Variants in HDAC9 observed in about 807,000 individuals in gnomAD.
HDAC9 encodes the protein MEF-2 interacting transcription repressor (MITR) protein.
In HDAC9, 41 loss-of-function variants were observed where a neutral mutation model predicts 139.4. The ratio of observed to expected loss-of-function variants is 0.29; its 90% confidence interval spans 0.23 to 0.38. HDAC9 has a LOEUF of 0.38. HDAC9 is among the 10% of genes least tolerant of loss of function. HDAC9 has a pLI of 1.00. For missense variants in HDAC9, 1,147 were observed against 1,297.0 expected, an observed-to-expected ratio of 0.88 and a Z score of 1.78; for synonymous variants, 517 against 476.2, an observed-to-expected ratio of 1.09 and a Z score of -1.12.
At chr7:18,711,715 G>T (rs1784358162) in intron 12 of HDAC9, among the ~76,000 whole-genome samples, 3 of 152,160 alleles carry the variant, frequency 2.0e-5, no homozygotes, top group African/African-American at 7.2e-5. Flanking sequence ...TGTCACAAAT[G>T]AGAGGAACGC....
chr7:18,103,442 T>C (rs1011747880), intron 1 of HDAC9, among the ~76,000 whole-genome samples: 3 of 152,194 alleles, frequency 2.0e-5, no homozygotes, highest in African/African-American at 7.2e-5. Flanking sequence ...ACTCAAATAG[T>C]GAACATAGTA....
chr7:18,794,543 T>C (rs905649928), intron 17 of HDAC9, among the ~76,000 whole-genome samples: 14 of 152,250 alleles, frequency 9.2e-5, no homozygotes, highest in African/African-American at 3.1e-4. Context: ...TGTGCCTGTA[T>C]ATATTTGACA....
chr7:18,976,068 G>T, intron 25 of HDAC9, 115 bp downstream of exon 25: 1 of 1,061,832 alleles, frequency 9.4e-7, no homozygotes. Context: ...TCCACCACCT[G>T]TCCTCTCCAA....
chr7:18,463,894 T>G (rs1166404406), intron 1 of HDAC9, among the ~76,000 whole-genome samples: 2 of 151,924 alleles, frequency 1.3e-5, no homozygotes, highest in Non-Finnish European at 2.9e-5. Flanking sequence ...AATTTCTGGA[T>G]TAATTCCACT....
At chr7:18,750,251 T>TA (rs996447792) in intron 14 of HDAC9, among the ~76,000 whole-genome samples, 2 of 152,150 alleles carry the variant, frequency 1.3e-5, no homozygotes, top group Admixed American at 1.3e-4. Context: ...TTTCTATGGA[T>TA]AAAAAAATTT....
intron 1 of HDAC9, among the ~76,000 whole-genome samples, chr7:18,137,353 T>C (rs899460383): frequency 1.0e-4 from 15 of 149,614 alleles, no homozygotes; most frequent in African/African-American, 3.5e-4. Context: ...TGAATAGGAG[T>C]GGTGAGAGAG....
intron 24 of HDAC9, among the ~76,000 whole-genome samples, chr7:18,972,369 CTTTTTTTTTTTTTTT>C (rs199909134): frequency 6.3e-5 from 6 of 94,892 alleles, no homozygotes; most frequent in Non-Finnish European, 6.5e-5. Flanking sequence ...ATGAACTTCT[CTTTTTTTTTTTTTTT>C]TTTTTTTTTT....
chr7:18,271,072 C>G (rs996325078), intron 2 of HDAC9, among the ~76,000 whole-genome samples: 5 of 152,148 alleles, frequency 3.3e-5, no homozygotes, highest in African/African-American at 1.2e-4. Flanking sequence ...GAAATAATTT[C>G]TACAAAGTTT....
chr7:18,365,544 A>C (rs1048077564), intron 1 of HDAC9, among the ~76,000 whole-genome samples: 1 of 152,122 alleles, frequency 6.6e-6, no homozygotes, highest in Admixed American at 6.6e-5. Context: ...TCTTTCTCCA[A>C]TAATCCTTAG....
At chr7:18,094,047 G>A (rs1782339301) in intron 1 of HDAC9, among the ~76,000 whole-genome samples, 1 of 152,246 alleles carries the variant, frequency 6.6e-6, no homozygotes, top group African/African-American at 2.4e-5. Flanking sequence ...GGGTATCTGA[G>A]CCTAAATGTA....
intron 22 of HDAC9, among the ~76,000 whole-genome samples, chr7:18,917,979 A>G (rs574424880): frequency 6.6e-6 from 1 of 152,092 alleles, no homozygotes; most frequent in Non-Finnish European, 1.5e-5. Context: ...TAGCGTTGAC[A>G]GACATTAAGG....
intron 21 of HDAC9, among the ~76,000 whole-genome samples, chr7:18,871,348 A>G (rs754235162): frequency 6.6e-6 from 1 of 152,138 alleles, no homozygotes; most frequent in Non-Finnish European, 1.5e-5. Context: ...GCTGGAATCA[A>G]CCACTTCTCC....
intron 7 of HDAC9, among the ~76,000 whole-genome samples, chr7:18,632,761 G>T (rs801540): frequency 0.66 from 99,457 of 151,774 alleles, 32,945 homozygotes; most frequent in East Asian, 0.78. Flanking sequence ...TCAGAAATAT[G>T]AGCAGACTTT....
chr7:18,981,353 A>T (rs1349079068), intron 25 of HDAC9, among the ~76,000 whole-genome samples: 1 of 152,230 alleles, frequency 6.6e-6, no homozygotes, highest in Non-Finnish European at 1.5e-5. Flanking sequence ...GGCCAGGATC[A>T]CAAAGCTGCC....
intron 21 of HDAC9, among the ~76,000 whole-genome samples, chr7:18,859,509 G>A (rs553753563): frequency 1.9e-4 from 28 of 150,710 alleles, no homozygotes; most frequent in African/African-American, 6.8e-4. Context: ...TACTAAATGA[G>A]CTTGCCTTTT....
At chr7:18,617,533 A>C (rs1838981229) in intron 6 of HDAC9, among the ~76,000 whole-genome samples, 1 of 152,170 alleles carries the variant, frequency 6.6e-6, no homozygotes, top group Non-Finnish European at 1.5e-5. Flanking sequence ...CAGATGATAT[A>C]TATACTTCCT....
intron 22 of HDAC9, among the ~76,000 whole-genome samples, chr7:18,916,015 C>A (rs6968894): frequency 0.29 from 28,537 of 97,628 alleles, 3,306 homozygotes; most frequent in East Asian, 0.45. Context: ...CCTCTCACCC[C>A]CCGCTGGAAA....
At chr7:18,109,412 A>G (rs932961734) in intron 1 of HDAC9, among the ~76,000 whole-genome samples, 1 of 152,156 alleles carries the variant, frequency 6.6e-6, no homozygotes, top group Non-Finnish European at 1.5e-5. Flanking sequence ...GTTTCTGATG[A>G]TAAGTTATCC....
intron 22 of HDAC9, among the ~76,000 whole-genome samples, chr7:18,929,244 A>G (rs1291312286): frequency 6.6e-6 from 1 of 152,196 alleles, no homozygotes; most frequent in Non-Finnish European, 1.5e-5. Flanking sequence ...ACCAACCCCT[A>G]TAAAGTATCA....
Sources: gnomAD v4.1 joint callset for allele counts (sites outside exome capture counted in the v4.1 genomes callset) on GRCh38, gnomAD v4.1.1 for gene constraint, MANE v1.5 for transcripts, NCBI Gene and HGNC (gene_info 2026-07-23, HGNC 2026-07-21) for gene names.